The following ZNF92 variants were observed in gnomAD, a reference collection of about 807,000 sequenced individuals.
ZNF92 encodes epididymis luminal protein 203.
A neutral mutation model predicts 12.4 loss-of-function variants in ZNF92; 11 were observed. The ratio of observed to expected loss-of-function variants is 0.89; its 90% confidence interval spans 0.56 to 1.47. ZNF92 has a LOEUF of 1.47. Among genes scored for constraint, ZNF92 ranks in the 40% most tolerant of loss-of-function variants. ZNF92 has a pLI of 0.00. For missense variants in ZNF92, 622 were observed against 681.0 expected (o/e 0.91, Z 0.96); for synonymous variants, 206 against 228.6 (o/e 0.90, Z 0.89).
chr7:65,399,206 T>G lies in ZNF92; in HGVS notation c.1092T>G (p.Thr364=), dbSNP rs754262805. ...SNLTKHKIIH[T]GEKPYKCDEC... ...TTACTAAACATAAGATAATTCATAC[T>G]GGAGAGAAACCCTACAAATGTGATG... The change falls in exon 4 of 4, where the codon ACT becomes ACG. Residue 364 remains threonine, a synonymous_variant. Transcript: ENST00000328747. The G allele has an allele frequency of 1.2e-5, 19 of 1,612,370 alleles. No individual in the cohort carries two copies. Among genetic ancestry groups the G allele is most frequent in the Non-Finnish European group, 1.5e-5 (18 of 1,179,486 alleles).
intron 3 of ZNF92, among the ~76,000 whole-genome samples, chr7:65,393,539 TAAC>T (rs145140886): frequency 3.3e-5 from 5 of 152,274 alleles, no homozygotes; most frequent in South Asian, 2.1e-4. Flanking sequence ...GATACAGTAA[TAAC>T]AATTCCATCT....
At chr7:65,389,936 A>G (rs1212580937) in intron 3 of ZNF92, among the ~76,000 whole-genome samples, 2 of 151,892 alleles carry the variant, frequency 1.3e-5, no homozygotes, top group Non-Finnish European at 2.9e-5. Flanking sequence ...AGTTCACACC[A>G]TTCTCCTGCC....
rs1468197152 is a variant in ZNF92 at position 65,398,542 on chromosome 7, A to G, written c.428A>G (p.Lys143Arg). 5 of 1,610,932 alleles carry G rather than the reference A, an allele frequency of 3.1e-6. No homozygotes were observed. The highest frequency in any genetic ancestry group is 1.7e-4 in the Middle Eastern group (1 of 6,028). ...LNQCLTTTDS[K>R]IFQCDKYVKV... Reference sequence around the variant, plus strand: ...CAGTGTTTGACAACTACTGACAGCAAGATATTTCAGTGTGATAAATATGTG... The same window carrying G: ...CAGTGTTTGACAACTACTGACAGCAGGATATTTCAGTGTGATAAATATGTG... Residue 143 changes from lysine (K) to arginine (R), a missense_variant, in exon 4 of 4, where the codon AAG (lysine) becomes AGG (arginine). Coordinates refer to ENST00000328747, the MANE Select transcript of ZNF92 (RefSeq NM_152626.4).
In ZNF92 at chr7:65,399,294, G is replaced by T. The variant is rs1793942997; in HGVS notation, c.1180G>T (p.Glu394Ter). 2 of 1,612,512 alleles carry T rather than the reference G, an allele frequency of 1.2e-6. No homozygotes were observed. Among genetic ancestry groups the T allele is most frequent in the African/African-American group, 2.7e-5 (2 of 74,824 alleles). The change falls in exon 4 of 4, where the codon GAA becomes TAA. Residue 394 changes from glutamate (E) to a stop codon, truncating the protein, a stop_gained. Transcript: ENST00000328747. LOFTEE classifies it low-confidence loss of function (END_TRUNC). ...TAAACATAAAAGAATTCATACGGGA[G>T]AAAAACCCTACAAATGTGAAGAATG... ...LTKHKRIHTG[E>*]KPYKCEECGK...
intron 1 of ZNF92, among the ~76,000 whole-genome samples, chr7:65,382,962 G>A (rs950919033): frequency 2.0e-5 from 3 of 151,938 alleles, no homozygotes; most frequent in Admixed American, 2.0e-4. Flanking sequence ...CTATTGCCAC[G>A]AGTAGCTATA....
At chr7:65,378,985 GCTT>G (rs897571450) in intron 1 of ZNF92, among the ~76,000 whole-genome samples, 6 of 152,076 alleles carry the variant, frequency 3.9e-5, no homozygotes, top group East Asian at 1.9e-4. Flanking sequence ...ATTTTTCCCT[GCTT>G]CTTTTTTTTG....
chr7:65,379,564 A>G (rs908680867), intron 1 of ZNF92, among the ~76,000 whole-genome samples: 1 of 151,974 alleles, frequency 6.6e-6, no homozygotes, highest in Non-Finnish European at 1.5e-5. Flanking sequence ...AAACATACTC[A>G]CTAGACATTG....
At chr7:65,391,883 C>A (rs867655616) in intron 3 of ZNF92, among the ~76,000 whole-genome samples, 1 of 152,072 alleles carries the variant, frequency 6.6e-6, no homozygotes, top group Admixed American at 6.6e-5. Context: ...TACACAGTTA[C>A]ACTCAAATAT....
Position 65,373,947 on chromosome 7 carries a change from A to G in ZNF92, c.-51A>G. Reference sequence around the variant, plus strand: ...CGCCGCTGTGACCCTGTTACCTGCAAGAACTTGGAGGTTCACAGCTAAGAC... The same window carrying G: ...CGCCGCTGTGACCCTGTTACCTGCAGGAACTTGGAGGTTCACAGCTAAGAC... On this transcript the variant is annotated 5_prime_UTR_variant, in exon 1 of 4. Transcript: ENST00000328747. The G allele has an allele frequency of 6.2e-7, 1 of 1,613,684 alleles. No homozygotes were observed. The highest frequency in any genetic ancestry group is 8.5e-7 in the Non-Finnish European group (1 of 1,179,788).
At chr7:65,392,926 C>T (rs1793754112) in intron 3 of ZNF92, among the ~76,000 whole-genome samples, 1 of 152,008 alleles carries the variant, frequency 6.6e-6, no homozygotes, top group South Asian at 2.1e-4. Flanking sequence ...TGGTGGTTGT[C>T]ACCTGTGGTC....
In ZNF92 at chr7:65,399,435, A is replaced by G. The variant is rs773810993; in HGVS notation, c.1321A>G (p.Thr441Ala). ...GKAFSWSSAF[T>A]KHKRNHMEDK... The stretch of plus-strand genomic sequence containing the variant: ...GGCCTTTAGCTGGTCCTCAGCTTTT[A>G]CTAAACATAAGAGAAATCATATGGA... Residue 441 changes from threonine (T) to alanine (A), a missense_variant, in exon 4 of 4, where the codon ACT becomes GCT. By Grantham distance (58) the Thr-to-Ala change is moderately conservative. Coordinates refer to ENST00000328747, the MANE Select transcript of ZNF92 (RefSeq NM_152626.4). The G allele has an allele frequency of 6.2e-7, 1 of 1,613,708 alleles. No homozygotes were observed. The highest frequency in any genetic ancestry group is 1.1e-5 in the South Asian group (1 of 91,054).
intron 1 of ZNF92, among the ~76,000 whole-genome samples, chr7:65,386,993 G>A (rs1793585501): frequency 6.9e-6 from 1 of 144,642 alleles, no homozygotes; most frequent in African/African-American, 2.6e-5. Flanking sequence ...AGGCTAGAGT[G>A]CAATGGCGCA....
intron 3 of ZNF92, among the ~76,000 whole-genome samples, chr7:65,394,674 T>C (rs893016718): frequency 2.6e-5 from 4 of 152,108 alleles, no homozygotes; most frequent in Admixed American, 6.6e-5. Context: ...TTTGAGACGT[T>C]GTTTCGCTCT....
At chr7:65,390,570 T>G (rs989386995) in intron 3 of ZNF92, among the ~76,000 whole-genome samples, 1 of 151,930 alleles carries the variant, frequency 6.6e-6, no homozygotes, top group Non-Finnish European at 1.5e-5. Flanking sequence ...ATTTGTAATT[T>G]CCATTTTATT....
chr7:65,375,705 A>G (rs1184645478), intron 1 of ZNF92, among the ~76,000 whole-genome samples: 1 of 151,732 alleles, frequency 6.6e-6, no homozygotes, highest in Non-Finnish European at 1.5e-5. Context: ...AAAATTAGCC[A>G]GGCATGGTGG....
In ZNF92 at chr7:65,400,271, C is replaced by T. The variant is rs917569415; in HGVS notation, c.*396C>T. On this transcript the variant is annotated 3_prime_UTR_variant, in exon 4 of 4. Transcript: ENST00000328747. The stretch of plus-strand genomic sequence containing the variant: ...ACAAATAGAAAGAGGGTTGTAGTAC[C>T]TTTAGTTTTATGATAGATCTTATTG... 2.5e-5 allele frequency: 4 copies of T among 158,376 alleles called. No homozygotes were observed. The highest frequency in any genetic ancestry group is 7.2e-5 in the African/African-American group (3 of 41,404). The allele number at this position is 158,376 out of a possible 1,614,324, so 9.8% of individuals were successfully genotyped here. A position where few individuals can be genotyped will look rare whatever the true frequency, so the allele number is the denominator to read the frequency against.
At chr7:65,394,599 T>G (rs1000115516) in intron 3 of ZNF92, among the ~76,000 whole-genome samples, 2 of 152,154 alleles carry the variant, frequency 1.3e-5, no homozygotes, top group East Asian at 3.9e-4. Flanking sequence ...AGAGATTATG[T>G]TGAATTTCTT....
At chr7:65,398,257 T>C (rs1793894837) in intron 3 of ZNF92, 84 bp from the exon 4 acceptor site, 10 of 1,173,870 alleles carry the variant, frequency 8.5e-6, no homozygotes, top group South Asian at 3.9e-5. Context: ...TGTTGTAGTT[T>C]GTACAATTTT....
At chr7:65,392,459 A>G (rs988755373) in intron 3 of ZNF92, among the ~76,000 whole-genome samples, 4 of 151,164 alleles carry the variant, frequency 2.6e-5, no homozygotes, top group Non-Finnish European at 5.9e-5. Flanking sequence ...TTTACATTTC[A>G]TTGCCAGGCA....
Sources: allele counts gnomAD v4.1 joint callset (sites outside exome capture counted in the v4.1 genomes callset), GRCh38; gene constraint gnomAD v4.1.1; transcripts MANE v1.5; gene names NCBI Gene and HGNC (gene_info 2026-07-23, HGNC 2026-07-21).